Variants in C1QTNF3 observed in about 807,000 individuals in gnomAD.
C1QTNF3 encodes the protein complement C1q tumor necrosis factor-related protein 3.
C1QTNF3 carries 26 observed loss-of-function variants against 32.6 expected under a neutral mutation model. That is an observed-to-expected ratio of 0.80 (90% CI 0.58 to 1.11). The LOEUF is 1.11. Ranked by LOEUF, C1QTNF3 falls within the 50% of genes least tolerant of loss-of-function variation. The pLI, the probability that C1QTNF3 is intolerant of heterozygous loss-of-function variation, is 0.00. For missense variants in C1QTNF3, 362 were observed against 398.2 expected (o/e 0.91, Z 0.77); for synonymous variants, 155 against 146.0 (o/e 1.06, Z -0.44).
the C1QTNF3 span, among the ~76,000 whole-genome samples, chr5:34,160,229 A>G: frequency 6.6e-6 from 1 of 152,182 alleles, no homozygotes. Flanking sequence ...TTAAGTTAGT[A>G]GGTAGGCGAA....
chr5:34,046,937 T>C (rs1754996318), upstream of C1QTNF3, among the ~76,000 whole-genome samples: 1 of 152,258 alleles, frequency 6.6e-6, no homozygotes, highest in African/African-American at 2.4e-5. Flanking sequence ...TTCCCTCCAG[T>C]AATTTCTCAT....
chr5:34,073,535 T>C, the C1QTNF3 span, among the ~76,000 whole-genome samples: 2 of 152,198 alleles, frequency 1.3e-5, no homozygotes, highest in Non-Finnish European at 2.9e-5. Flanking sequence ...CAGTTTTATA[T>C]AAAAAGAACA....
At chr5:34,234,571 C>CTA in the C1QTNF3 span, among the ~76,000 whole-genome samples, 1 of 152,040 alleles carries the variant, frequency 6.6e-6, no homozygotes, top group Non-Finnish European at 1.5e-5. Context: ...GACTAGTGTC[C>CTA]TATAAAGTCA....
the C1QTNF3 span, among the ~76,000 whole-genome samples, chr5:34,131,568 TAA>T: frequency 6.6e-6 from 1 of 151,726 alleles, no homozygotes; most frequent in South Asian, 2.1e-4. Context: ...ATGTGGAAAC[TAA>T]AAAAAAGTTG....
the C1QTNF3 span, among the ~76,000 whole-genome samples, chr5:34,222,160 GA>G: frequency 7.9e-5 from 12 of 151,078 alleles, no homozygotes; most frequent in Non-Finnish European, 1.6e-4. Context: ...GATATTAGGG[GA>G]AAAAAAACTC....
chr5:34,029,207 C>T (rs1205443705), intron 3 of C1QTNF3, among the ~76,000 whole-genome samples: 1 of 152,090 alleles, frequency 6.6e-6, no homozygotes, highest in Non-Finnish European at 1.5e-5. Flanking sequence ...GAGAAATGCA[C>T]ATTAGCAAAT....
At chr5:34,175,986 G>C in the C1QTNF3 span, 5 of 770,140 alleles carry the variant, frequency 6.5e-6, no homozygotes, top group South Asian at 5.6e-5. Context: ...AGAAGAGTAA[G>C]AACTGGCAGA....
chr5:34,028,981 G>A (rs1350252530), intron 3 of C1QTNF3, 98 bp from the exon 4 acceptor site: 3 of 989,528 alleles, frequency 3.0e-6, no homozygotes, highest in Non-Finnish European at 4.4e-6. Flanking sequence ...ATAACAGCAA[G>A]ATTGGGAATA....
the C1QTNF3 span, among the ~76,000 whole-genome samples, chr5:34,069,466 T>C: frequency 6.6e-6 from 1 of 152,156 alleles, no homozygotes; most frequent in Non-Finnish European, 1.5e-5. Context: ...TGTTGCATAA[T>C]AGGGGCTACA....
chr5:34,045,254 G>A (rs1254662481), upstream of C1QTNF3, among the ~76,000 whole-genome samples: 2 of 152,276 alleles, frequency 1.3e-5, no homozygotes, highest in African/African-American at 2.4e-5. Flanking sequence ...CTTTCCATTC[G>A]TGTTTTCAAT....
rs761741428 is a variant in C1QTNF3 at position 34,033,358 on chromosome 5, C to T, written c.516G>A (p.Gly172=). ...KGDLGPRGER[G]QHGPKGEKGY... is the part of the protein sequence containing the mutation. The stretch of plus-strand genomic sequence containing the variant: ...CCTTCTCTCCTTTGGGGCCATGCTG[C>T]CCCCGCTCCCCTCGAGGCCCCAGGT... The change falls in exon 3 of 6, where the codon GGG becomes GGA. Residue 172 remains glycine (G), a synonymous_variant. Coordinates refer to ENST00000382065, the MANE Select transcript of C1QTNF3 (RefSeq NM_181435.6). 1 of 1,613,718 alleles carries T rather than the reference C, an allele frequency of 6.2e-7. No individual in the cohort carries two copies. The highest frequency in any genetic ancestry group is 8.5e-7 in the Non-Finnish European group (1 of 1,179,884).
At position 34,026,469 on chromosome 5, in the gene C1QTNF3, A is replaced by AAAAAG. The variant is rs1176667070; in HGVS notation, c.700+2280_700+2284dup. On this transcript the variant is annotated intron_variant, in intron 4 of 5. Transcript: ENST00000382065. ...AAAATCTGCCAGCAAAAAAAAAAAA[A>AAAAAG]AAAAGAAAAGAAAAGAAAAGAAAGA... 3.5e-5 allele frequency among the ~76,000 whole-genome samples: 5 copies of AAAAAG among 143,138 alleles called. No individual in the cohort carries two copies. In the East Asian group the frequency reaches 8.1e-4, roughly 23 times the overall value. 93.9% of individuals were successfully genotyped at this position (143,138 alleles called of 152,430 possible).
the C1QTNF3 span, among the ~76,000 whole-genome samples, chr5:34,057,489 C>T: frequency 1.3e-5 from 2 of 152,216 alleles, no homozygotes; most frequent in Non-Finnish European, 2.9e-5. Flanking sequence ...CATCATCCCA[C>T]ATGCCATGAG....
the C1QTNF3 span, among the ~76,000 whole-genome samples, chr5:34,085,147 C>T: frequency 1.1e-4 from 16 of 149,730 alleles, no homozygotes; most frequent in Non-Finnish European, 1.8e-4. Context: ...CCTGCCACTA[C>T]GCCCGGCTAA....
At chr5:34,130,945 T>C in the C1QTNF3 span, among the ~76,000 whole-genome samples, 13 of 152,246 alleles carry the variant, frequency 8.5e-5, no homozygotes, top group Non-Finnish European at 1.3e-4. Flanking sequence ...GAACACAGCA[T>C]ACTTTATTTA....
the C1QTNF3 span, among the ~76,000 whole-genome samples, chr5:34,232,569 T>C: frequency 2.0e-5 from 3 of 152,012 alleles, no homozygotes; most frequent in African/African-American, 7.2e-5. Flanking sequence ...TTCCAAGAGA[T>C]CTGATGGTTT....
chr5:34,135,664 C>T, the C1QTNF3 span, among the ~76,000 whole-genome samples: 2 of 149,710 alleles, frequency 1.3e-5, no homozygotes, highest in Non-Finnish European at 3.0e-5. Context: ...CAAGACAATC[C>T]TAAGCAAAAA....
chr5:34,098,895 A>G, the C1QTNF3 span, among the ~76,000 whole-genome samples: 1 of 151,928 alleles, frequency 6.6e-6, no homozygotes, highest in Non-Finnish European at 1.5e-5. Flanking sequence ...AAAACATTTA[A>G]TTGTTACTGT....
intron 4 of C1QTNF3, among the ~76,000 whole-genome samples, chr5:34,026,496 A>G (rs966328985): frequency 1.3e-5 from 2 of 151,880 alleles, no homozygotes; most frequent in Admixed American, 6.6e-5. Context: ...AAAGAAAGAA[A>G]AAAAAAGTCT....
Sources: allele counts gnomAD v4.1 joint callset (sites outside exome capture counted in the v4.1 genomes callset), GRCh38; gene constraint gnomAD v4.1.1; transcripts MANE v1.5; gene names NCBI Gene and HGNC (gene_info 2026-07-23, HGNC 2026-07-21).